KIAA1614: variants seen among roughly 807,000 people sequenced by gnomAD.
The protein encoded by KIAA1614 is uncharacterized protein KIAA1614.
In KIAA1614, 76 loss-of-function variants were observed where a neutral mutation model predicts 88.7. The observed-to-expected ratio is 0.86, with a 90% CI of 0.71 to 1.04. KIAA1614 has a LOEUF of 1.04. KIAA1614 is among the 50% of genes least tolerant of loss of function. The pLI is 0.00. For missense variants in KIAA1614, 1,553 were observed against 1,582.5 expected (o/e 0.98, Z 0.32); for synonymous variants, 714 against 675.5 (o/e 1.06, Z -0.88).
rs1311453055 is a variant in KIAA1614 at position 180,917,869 on chromosome 1, T to G, written c.1016T>G (p.Val339Gly). Reference sequence around the variant, plus strand: ...ATCCTAGAGCGACCAGTGGGGGATGTGGACTGGGCCTCGGGCACCTCCTTG... The same window carrying G: ...ATCCTAGAGCGACCAGTGGGGGATGGGGACTGGGCCTCGGGCACCTCCTTG... ...TAAPERPVGD[V>G]DWASGTSLQD... Residue 339 changes from valine to glycine, a missense_variant, in exon 3 of 9, where the codon GTG (valine) becomes GGG (glycine). Physicochemically the swap from Val to Gly is moderately radical, Grantham distance 109. Transcript: ENST00000367588. 4 of 1,613,884 alleles carry G rather than the reference T, an allele frequency of 2.5e-6. No homozygotes were observed. Among genetic ancestry groups the G allele is most frequent in the African/African-American group, 1.3e-5 (1 of 74,902 alleles).
rs369784342 is a variant in KIAA1614 at position 180,936,523 on chromosome 1, C to T, written c.2614C>T (p.Pro872Ser). 94 of 1,613,952 alleles carry T rather than the reference C, an allele frequency of 5.8e-5. No homozygotes were observed. The highest frequency in any genetic ancestry group is 3.3e-4 in the Middle Eastern group (2 of 6,082). ...GCCCAGCCGCCCTCAGGTCAGGCAC[C>T]CACTGCTGGCCCTGTCCACCAACAA... The part of the protein sequence containing the change: ...TQPSRPQVRH[P>S]LLALSTNNCN... The change falls in exon 5 of 9, where the codon CCA becomes TCA. Residue 872 changes from proline (P) to serine (S), a missense_variant. Pro to Ser is a moderately conservative substitution (Grantham distance 74). Coordinates refer to ENST00000367588, the MANE Select transcript of KIAA1614 (RefSeq NM_020950.2).
At position 180,936,238 on chromosome 1, in the gene KIAA1614, T is replaced by C. The variant is rs1243064997; in HGVS notation, c.2329T>C (p.Ser777Pro). The C allele has an allele frequency of 6.2e-7, 1 of 1,614,054 alleles. No homozygotes were observed. Among genetic ancestry groups the C allele is most frequent in the East Asian group, 2.2e-5 (1 of 44,874 alleles). The change falls in exon 5 of 9, where the codon TCT becomes CCT. Residue 777 changes from serine to proline, a missense_variant. Coordinates refer to ENST00000367588, the MANE Select transcript of KIAA1614 (RefSeq NM_020950.2). The stretch of plus-strand genomic sequence containing the variant: ...AAGCCACGAGTCCCTGGAAATTGTC[T>C]CTCCTTCCTCCCTGCAACAGAGCCA... ...TESHESLEIV[S>P]PSSLQQSHAE...
intron 3 of KIAA1614, among the ~76,000 whole-genome samples, chr1:180,922,505 C>T (rs762399034): frequency 1.3e-5 from 2 of 152,110 alleles, no homozygotes; most frequent in African/African-American, 2.4e-5. Flanking sequence ...TCCCTCCCCT[C>T]AAGCAGTTTC....
In KIAA1614 at chr1:180,935,483, C is replaced by T. The variant is rs1331298534; in HGVS notation, c.1574C>T (p.Pro525Leu). 2.0e-6 allele frequency: 3 copies of T among 1,480,696 alleles called. No homozygotes were observed. The highest frequency in any genetic ancestry group is 2.4e-5 in the East Asian group (1 of 41,512). 91.7% of individuals were successfully genotyped at this position (1,480,696 alleles called of 1,614,324 possible). A position where few individuals can be genotyped will look rare whatever the true frequency, so the allele number is the denominator to read the frequency against. Residue 525 changes from proline to leucine, a missense_variant, in exon 5 of 9, where the codon CCG becomes CTG. Physicochemically the swap from Pro to Leu is moderately conservative, Grantham distance 98 (BLOSUM62 -3). Transcript: ENST00000367588. The surrounding 1 kb of genome is among the most constrained non-coding windows in gnomAD (Gnocchi z 6.1). ...LVGSLDRRGH[P>L]APPAPGSERR... The stretch of plus-strand genomic sequence containing the variant: ...GGCAGCCTGGACCGCAGGGGACACC[C>T]GGCACCGCCGGCACCGGGCAGCGAG...
intron 2 of KIAA1614, 147 bp from the exon 3 acceptor site, chr1:180,917,704 C>T (rs1653851105): frequency 5.8e-6 from 4 of 686,044 alleles, no homozygotes; most frequent in East Asian, 2.7e-5. Flanking sequence ...GTGACAGGCT[C>T]AGCCTCCAAT....
intron 3 of KIAA1614, among the ~76,000 whole-genome samples, chr1:180,921,077 CT>C (rs1558065215): frequency 6.6e-6 from 1 of 152,116 alleles, no homozygotes; most frequent in Non-Finnish European, 1.5e-5. Context: ...AGCAACAAGT[CT>C]GTTTATTTCA....
intron 3 of KIAA1614, among the ~76,000 whole-genome samples, chr1:180,927,530 T>C (rs1442950769): frequency 6.6e-6 from 1 of 152,228 alleles, no homozygotes; most frequent in African/African-American, 2.4e-5. Flanking sequence ...AGAGAACACC[T>C]GCCCTCGGCC....
rs1338547339 is a variant in KIAA1614 at position 180,936,057 on chromosome 1, G to A, written c.2148G>A (p.Arg716=). The part of the protein sequence containing the change: ...DAKPPDLELK[R]VSLGPQWQPG... ...AGCCTCCTGACCTGGAGTTGAAGCG[G>A]GTGTCCCTGGGACCCCAGTGGCAGC... is the stretch of plus-strand genomic sequence containing the variant. Residue 716 remains arginine, a synonymous_variant, in exon 5 of 9, where the codon CGG becomes CGA. Transcript: ENST00000367588. 5 of 1,614,200 alleles carry A rather than the reference G, an allele frequency of 3.1e-6. No individual in the cohort carries two copies. Among genetic ancestry groups the A allele is most frequent in the East Asian group, 2.2e-5 (1 of 44,880 alleles).
In KIAA1614 at chr1:180,935,432, G is replaced by A; in HGVS notation, c.1523G>A (p.Gly508Glu). The change falls in exon 5 of 9, where the codon GGG becomes GAG. Residue 508 changes from glycine (G) to glutamate (E), a missense_variant. Coordinates refer to ENST00000367588, the MANE Select transcript of KIAA1614 (RefSeq NM_020950.2). This position sits in a 1 kb window ranked among gnomAD's most constrained non-coding sequence, Gnocchi z 6.1. The part of the protein sequence containing the change: ...INGAPRLRDA[G>E]QGTFHRLVGS... ...GGGGCTCCCCGGCTCCGGGACGCGG[G>A]GCAGGGGACATTCCACAGGCTTGTG... is the stretch of plus-strand genomic sequence containing the variant. 6.8e-7 allele frequency: 1 copy of A among 1,479,318 alleles called. No individual in the cohort carries two copies. Among genetic ancestry groups the A allele is most frequent in the Non-Finnish European group, 8.9e-7 (1 of 1,121,634 alleles). 91.6% of individuals were successfully genotyped at this position (1,479,318 alleles called of 1,614,324 possible). A position where few individuals can be genotyped will look rare whatever the true frequency, so the allele number is the denominator to read the frequency against.
rs375009931 is a variant in KIAA1614, at chr1:180,935,919, C to T, written c.2010C>T (p.Gly670=). The change falls in exon 5 of 9, where the codon GGC becomes GGT. Residue 670 remains glycine (G), a synonymous_variant. Transcript: ENST00000367588. The surrounding 1 kb of genome is among the most constrained non-coding windows in gnomAD (Gnocchi z 6.1). ...AGGCTGAGGCGGAGCTCCCTTGGGG[C>T]CTTCAGGCCCAGCAACACCTGCCTA... The part of the protein sequence containing the change: ...SKKAEAELPW[G]LQAQQHLPRA... 4 of 1,613,868 alleles carry T rather than the reference C, an allele frequency of 2.5e-6. No homozygotes were observed. In the African/African-American group the frequency reaches 5.3e-5, roughly 22 times the overall value.
At position 180,936,075 on chromosome 1, in the gene KIAA1614, G is replaced by A; in HGVS notation, c.2166G>A (p.Gln722=). ...TGAAGCGGGTGTCCCTGGGACCCCAGTGGCAGCCTGGACCAGGGCTGGGAA... is the reference window on the plus strand; with the variant it reads ...TGAAGCGGGTGTCCCTGGGACCCCAATGGCAGCCTGGACCAGGGCTGGGAA... ...LELKRVSLGP[Q]WQPGPGLGSH... is the part of the protein sequence containing the mutation. Residue 722 remains glutamine (Q), a synonymous_variant, in exon 5 of 9, where the codon CAG becomes CAA. Coordinates refer to ENST00000367588, the MANE Select transcript of KIAA1614 (RefSeq NM_020950.2). 1 of 1,614,154 alleles carries A rather than the reference G, an allele frequency of 6.2e-7. No individual in the cohort carries two copies. Among genetic ancestry groups the A allele is most frequent in the Non-Finnish European group, 8.5e-7 (1 of 1,180,018 alleles).
rs757002043 is a variant in KIAA1614 at position 180,936,069 on chromosome 1, A to T, written c.2160A>T (p.Gly720=). 2 of 1,613,942 alleles carry T rather than the reference A, an allele frequency of 1.2e-6. No individual in the cohort carries two copies. Among genetic ancestry groups the T allele is most frequent in the Non-Finnish European group, 1.7e-6 (2 of 1,179,958 alleles). ...TGGAGTTGAAGCGGGTGTCCCTGGG[A>T]CCCCAGTGGCAGCCTGGACCAGGGC... ...PDLELKRVSL[G]PQWQPGPGLG... is the part of the protein sequence containing the mutation. The change falls in exon 5 of 9, where the codon GGA becomes GGT. Residue 720 remains glycine, a synonymous_variant. Transcript: ENST00000367588.
chr1:180,916,636 A>G lies in KIAA1614; in HGVS notation c.533A>G (p.Glu178Gly), dbSNP rs776389358. 3.1e-6 allele frequency: 5 copies of G among 1,601,982 alleles called. No individual in the cohort carries two copies. In the Admixed American group the frequency reaches 8.4e-5, roughly 27 times the overall value. Reference protein sequence around the residue: ...RLPRPPAPGREYCNRGSPWPP... With the variant: ...RLPRPPAPGRGYCNRGSPWPP... ...CCCAGGCCGCCTGCCCCTGGACGTG[A>G]GTACTGCAACAGGGGGAGCCCGTGG... is the stretch of plus-strand genomic sequence containing the variant. The change falls in exon 2 of 9, where the codon GAG (glutamate) becomes GGG (glycine). Residue 178 changes from glutamate (E) to glycine (G), a missense_variant. By Grantham distance (98) the Glu-to-Gly change is moderately conservative. Transcript: ENST00000367588.
At position 180,949,569 on chromosome 1, in the gene KIAA1614, C is replaced by G. The variant is rs2297183; in HGVS notation, c.*3981C>G. 102,366 of 152,222 alleles carry G rather than the reference C, an allele frequency of 0.67. 34,701 individuals carry two copies. Among genetic ancestry groups the G allele is most frequent in the South Asian group, 0.75 (3,611 of 4,820 alleles). 9.4% of individuals were successfully genotyped at this position (152,222 alleles called of 1,614,324 possible). On this transcript the variant is annotated 3_prime_UTR_variant, in exon 9 of 9. Transcript: ENST00000367588. ...GGGCTCCCTGAGAGCCGGAGCCTGG[C>G]AAAGAAGCAGAGAAGCTAGTTCCCG... is the stretch of plus-strand genomic sequence containing the variant.
chr1:180,935,819 G>A lies in KIAA1614; in HGVS notation c.1910G>A (p.Cys637Tyr). Reference protein sequence around the residue: ...EAGTSQAGWACGRTQGSSPRL... With the variant: ...EAGTSQAGWAYGRTQGSSPRL... Reference sequence around the variant, plus strand: ...GGGACCTCTCAGGCTGGCTGGGCGTGTGGGCGGACCCAAGGCAGCAGCCCG... The same window carrying A: ...GGGACCTCTCAGGCTGGCTGGGCGTATGGGCGGACCCAAGGCAGCAGCCCG... Residue 637 changes from cysteine to tyrosine, a missense_variant, in exon 5 of 9, where the codon TGT (cysteine) becomes TAT (tyrosine). Physicochemically the swap from Cys to Tyr is radical, Grantham distance 194 (BLOSUM62 -2). Transcript: ENST00000367588. This position sits in a 1 kb window ranked among gnomAD's most constrained non-coding sequence, Gnocchi z 6.1. 4 of 1,613,712 alleles carry A rather than the reference G, an allele frequency of 2.5e-6. No individual in the cohort carries two copies. The highest frequency in any genetic ancestry group is 1.7e-4 in the Middle Eastern group (1 of 6,002).
intron 1 of KIAA1614, among the ~76,000 whole-genome samples, chr1:180,915,380 C>T (rs1434844940): frequency 6.6e-6 from 1 of 152,114 alleles, no homozygotes; most frequent in African/African-American, 2.4e-5. Flanking sequence ...GAGCATGTTG[C>T]CTGTTAGCAG....
intron 3 of KIAA1614, among the ~76,000 whole-genome samples, chr1:180,919,932 A>G (rs1172464393): frequency 6.6e-6 from 1 of 152,106 alleles, no homozygotes; most frequent in Non-Finnish European, 1.5e-5. Flanking sequence ...GTGGAGAGAG[A>G]GAGAAGGTCT....
At chr1:180,927,184 C>T (rs1295262884) in intron 3 of KIAA1614, among the ~76,000 whole-genome samples, 2 of 152,288 alleles carry the variant, frequency 1.3e-5, no homozygotes, top group South Asian at 2.1e-4. Flanking sequence ...GTCCCTTCCC[C>T]CAGTCAGGAC....
At chr1:180,922,406 A>C (rs10914134) in intron 3 of KIAA1614, among the ~76,000 whole-genome samples, 113,261 of 151,912 alleles carry the variant, frequency 0.75, 42,471 homozygotes, top group African/African-American at 0.81. Context: ...TGAGTGATCG[A>C]GGACCAAAAC....
Sources: allele counts gnomAD v4.1 joint callset (sites outside exome capture counted in the v4.1 genomes callset), GRCh38; gene constraint gnomAD v4.1.1; non-coding constraint Gnocchi (gnomAD v3.1); transcripts MANE v1.5; gene names NCBI Gene and HGNC (gene_info 2026-07-23, HGNC 2026-07-21).